EPHA6: variants seen among roughly 807,000 people sequenced by gnomAD.
EPHA6 encodes the protein EPH receptor A6.
Under a neutral mutation model 112.0 loss-of-function variants are expected in EPHA6, and 50 were observed. That is an observed-to-expected ratio of 0.45 (90% CI 0.36 to 0.56). The LOEUF is 0.56. Among genes scored for constraint, EPHA6 ranks in the 20% least tolerant of loss-of-function variants. EPHA6 has a pLI of 0.00. For missense variants in EPHA6, 1,280 were observed against 1,417.4 expected, an observed-to-expected ratio of 0.90 and a Z score of 1.56; for synonymous variants, 529 against 490.7, an observed-to-expected ratio of 1.08 and a Z score of -1.03.
chr3:96,962,640 A>T (rs866277993), intron 2 of EPHA6, among the ~76,000 whole-genome samples: 2 of 145,364 alleles, frequency 1.4e-5, no homozygotes, highest in Admixed American at 7.0e-5. Flanking sequence ...TTTAAGCTTA[A>T]TTTTTTTTTT....
intron 3 of EPHA6, among the ~76,000 whole-genome samples, chr3:97,203,597 A>T (rs558831630): frequency 6.6e-6 from 1 of 152,116 alleles, no homozygotes; most frequent in African/African-American, 2.4e-5. Context: ...CTAATGAAAT[A>T]TTTAAGGGAC....
intron 13 of EPHA6, among the ~76,000 whole-genome samples, chr3:97,616,543 G>T (rs917457511): frequency 6.6e-6 from 1 of 152,124 alleles, no homozygotes; most frequent in African/African-American, 2.4e-5. Context: ...ATAAAACATT[G>T]CAGGAGCTGA....
intron 3 of EPHA6, among the ~76,000 whole-genome samples, chr3:97,201,367 A>G (rs1320683398): frequency 6.6e-6 from 1 of 152,100 alleles, no homozygotes; most frequent in Admixed American, 6.6e-5. Flanking sequence ...CTTCAATTTT[A>G]TATAATTATT....
intron 3 of EPHA6, among the ~76,000 whole-genome samples, chr3:97,022,392 CTTGAG>C (rs560237473): frequency 1.8e-4 from 28 of 152,142 alleles, no homozygotes; most frequent in Non-Finnish European, 4.0e-4. Flanking sequence ...TTTTCAGCTA[CTTGAG>C]TTATTAGTTT....
intron 5 of EPHA6, among the ~76,000 whole-genome samples, chr3:97,283,610 G>T (rs1576841484): frequency 6.6e-6 from 1 of 152,142 alleles, no homozygotes; most frequent in East Asian, 1.9e-4. Context: ...TTTCAGGGGG[G>T]TGAGGGGCAA....
chr3:97,558,299 T>C (rs930319929), intron 11 of EPHA6, among the ~76,000 whole-genome samples: 2 of 151,918 alleles, frequency 1.3e-5, no homozygotes, highest in African/African-American at 2.4e-5. Flanking sequence ...AAACAGAACT[T>C]CCCCTCTTGT....
intron 5 of EPHA6, among the ~76,000 whole-genome samples, chr3:97,273,656 C>T (rs1000284274): frequency 1.3e-5 from 2 of 152,102 alleles, no homozygotes; most frequent in African/African-American, 4.8e-5. Flanking sequence ...TTCTACCTTT[C>T]CTGAAGACTG....
At chr3:97,192,455 C>T (rs1005571280) in intron 3 of EPHA6, among the ~76,000 whole-genome samples, 2 of 152,080 alleles carry the variant, frequency 1.3e-5, no homozygotes, top group Non-Finnish European at 2.9e-5. Flanking sequence ...AGATATTTTG[C>T]CCATTTTTAA....
chr3:97,371,025 G>T (rs986813249), intron 5 of EPHA6, among the ~76,000 whole-genome samples: 1 of 151,058 alleles, frequency 6.6e-6, no homozygotes, highest in Non-Finnish European at 1.5e-5. Context: ...TGAAGAGCCT[G>T]GTCCTATCTG....
chr3:97,214,481 CAA>C (rs1166034294), intron 3 of EPHA6, among the ~76,000 whole-genome samples: 24 of 63,022 alleles, frequency 3.8e-4, no homozygotes, highest in African/African-American at 6.0e-4. Context: ...AACTTTGTCT[CAA>C]AAAAAAAAAA....
At chr3:96,874,120 G>A (rs2036805092) in intron 2 of EPHA6, among the ~76,000 whole-genome samples, 1 of 152,144 alleles carries the variant, frequency 6.6e-6, no homozygotes, top group Middle Eastern at 3.4e-3. Context: ...CTGCAGTGAA[G>A]GGTGAAAGGA....
chr3:97,100,134 A>C (rs1282953152), intron 3 of EPHA6, among the ~76,000 whole-genome samples: 1 of 151,776 alleles, frequency 6.6e-6, no homozygotes, highest in Non-Finnish European at 1.5e-5. Flanking sequence ...AAAGTTAATA[A>C]AGAGAAGCTG....
At chr3:97,335,243 C>G (rs1371777028) in intron 5 of EPHA6, among the ~76,000 whole-genome samples, 8 of 152,028 alleles carry the variant, frequency 5.3e-5, no homozygotes, top group African/African-American at 1.4e-4. Context: ...CTCTTTTTTT[C>G]TTTCTGTCTC....
At chr3:96,851,886 C>A (rs992021812) in intron 1 of EPHA6, among the ~76,000 whole-genome samples, 7 of 151,986 alleles carry the variant, frequency 4.6e-5, no homozygotes, top group Non-Finnish European at 7.4e-5. Flanking sequence ...GACGCAGAAG[C>A]GTCATGTTGG....
intron 5 of EPHA6, among the ~76,000 whole-genome samples, chr3:97,291,684 G>A (rs559245880): frequency 5.3e-5 from 8 of 152,136 alleles, no homozygotes; most frequent in Non-Finnish European, 8.8e-5. Context: ...TTTGTTTTAT[G>A]TATCTGAGTC....
At chr3:97,683,018 G>C (rs1047008243) in intron 14 of EPHA6, among the ~76,000 whole-genome samples, 1 of 152,036 alleles carries the variant, frequency 6.6e-6, no homozygotes, top group Non-Finnish European at 1.5e-5. Context: ...TTCATTCTAA[G>C]ATTTACAGAA....
In EPHA6 at chr3:97,178,185, A is replaced by G. The variant is rs1274098886; in HGVS notation, c.1115-48079A>G. ...CACTATTGTAACCTTATAACAATTT[A>G]ACACTATTTGCATAAACAAACAAAC... On this transcript the variant is annotated intron_variant, in intron 3 of 17. Transcript: ENST00000389672. Among the ~76,000 whole-genome samples the G allele has an allele frequency of 2.0e-5, 3 of 151,446 alleles. No homozygotes were observed. In the East Asian group the frequency reaches 5.8e-4, roughly 29 times the overall value.
At chr3:97,596,291 A>G (rs964565175) in intron 12 of EPHA6, among the ~76,000 whole-genome samples, 3 of 152,168 alleles carry the variant, frequency 2.0e-5, no homozygotes, top group African/African-American at 7.2e-5. Context: ...GTCAAACAGT[A>G]TTTGAAAGTG....
chr3:97,433,845 C>T (rs919922574), intron 6 of EPHA6, among the ~76,000 whole-genome samples: 17 of 152,198 alleles, frequency 1.1e-4, no homozygotes, highest in Non-Finnish European at 2.2e-4. Context: ...AGAAGAGGCA[C>T]GTTGCCCCAT....
Sources: gnomAD v4.1 joint callset for allele counts (sites outside exome capture counted in the v4.1 genomes callset) on GRCh38, gnomAD v4.1.1 for gene constraint, MANE v1.5 for transcripts, NCBI Gene and HGNC (gene_info 2026-07-23, HGNC 2026-07-21) for gene names.